Variants in ZNF277 observed in about 807,000 individuals in gnomAD.
ZNF277 encodes the protein nuclear receptor-interacting factor 4.
In ZNF277, 55 loss-of-function variants were observed where a neutral mutation model predicts 60.7. The observed-to-expected ratio is 0.91, with a 90% CI of 0.73 to 1.13. The LOEUF is 1.13. Among genes scored for constraint, ZNF277 ranks in the 50% most tolerant of loss-of-function variants. ZNF277 has a pLI of 0.00. For missense variants in ZNF277, 510 were observed against 523.0 expected, an observed-to-expected ratio of 0.98 and a Z score of 0.24; for synonymous variants, 178 against 179.3, an observed-to-expected ratio of 0.99 and a Z score of 0.06.
chr7:112,273,613 G>T (rs1791729739), intron 1 of ZNF277, among the ~76,000 whole-genome samples: 1 of 152,164 alleles, frequency 6.6e-6, no homozygotes, highest in Non-Finnish European at 1.5e-5. Context: ...AAGATTACCG[G>T]TCAAGGCTTC....
chr7:112,336,967 C>T (rs1361594780), intron 8 of ZNF277, among the ~76,000 whole-genome samples: 1 of 152,112 alleles, frequency 6.6e-6, no homozygotes, highest in Admixed American at 6.5e-5. Context: ...GAAAATGTTT[C>T]CTGTTTTCTA....
intron 7 of ZNF277, among the ~76,000 whole-genome samples, chr7:112,335,355 C>A (rs1379982008): frequency 6.6e-6 from 1 of 152,026 alleles, no homozygotes; most frequent in African/African-American, 2.4e-5. Flanking sequence ...GAAGACAGGG[C>A]AAGAAGAGAG....
At chr7:112,312,854 A>G (rs1392404579) in intron 4 of ZNF277, among the ~76,000 whole-genome samples, 1 of 152,152 alleles carries the variant, frequency 6.6e-6, no homozygotes, top group African/African-American at 2.4e-5. Context: ...ATTTCAACAA[A>G]TAAAGGAGAG....
At chr7:112,282,612 T>C (rs1334275336) in intron 1 of ZNF277, among the ~76,000 whole-genome samples, 3 of 152,238 alleles carry the variant, frequency 2.0e-5, no homozygotes, top group Admixed American at 6.5e-5. Flanking sequence ...TCCACTGCTA[T>C]TGCTGCTGCC....
rs869082099 is a variant in ZNF277 at position 112,208,674 on chromosome 7, A to ATTTTTTTTTTTTT, written c.91+1879_91+1891dup. On this transcript the variant is annotated intron_variant, in intron 1 of 11. Transcript: ENST00000361822. Reference sequence around the variant, plus strand: ...ATATGACACACGTCTGTATGATTTGATTTTTTTTTTTTTTTTTTTTTTTTG... The same window carrying ATTTTTTTTTTTTT: ...ATATGACACACGTCTGTATGATTTGATTTTTTTTTTTTTTTTTTTTTTTTTTTTTTTTTTTTTG... Among the ~76,000 whole-genome samples the ATTTTTTTTTTTTT allele has an allele frequency of 8.1e-4, 59 of 72,810 alleles. 7 individuals carry two copies. Among genetic ancestry groups the ATTTTTTTTTTTTT allele is most frequent in the African/African-American group, 2.7e-3 (45 of 16,738 alleles). 47.8% of individuals were successfully genotyped at this position (72,810 alleles called of 152,430 possible).
intron 1 of ZNF277, among the ~76,000 whole-genome samples, chr7:112,251,038 A>G (rs1015946604): frequency 2.0e-5 from 3 of 152,054 alleles, no homozygotes; most frequent in African/African-American, 7.2e-5. Context: ...ATTTCTCACT[A>G]ACCTTCATAT....
intron 4 of ZNF277, among the ~76,000 whole-genome samples, chr7:112,308,443 G>A (rs1267933739): frequency 1.3e-5 from 2 of 152,066 alleles, no homozygotes. Flanking sequence ...CTTGAGCCCA[G>A]GAGGTGGAGG....
At chr7:112,328,583 A>C (rs976329931) in intron 6 of ZNF277, among the ~76,000 whole-genome samples, 3 of 152,144 alleles carry the variant, frequency 2.0e-5, no homozygotes, top group African/African-American at 7.2e-5. Flanking sequence ...TAGAAAAAAA[A>C]ATAAGGGCCG....
chr7:112,226,613 T>A (rs1309858364), intron 1 of ZNF277, among the ~76,000 whole-genome samples: 2 of 152,340 alleles, frequency 1.3e-5, no homozygotes, highest in African/African-American at 4.8e-5. Flanking sequence ...AAGCCTGTGC[T>A]TCTTATTAAG....
intron 1 of ZNF277, among the ~76,000 whole-genome samples, chr7:112,268,944 C>T (rs1791606025): frequency 6.6e-6 from 1 of 152,108 alleles, no homozygotes; most frequent in South Asian, 2.1e-4. Context: ...CATCTCTACA[C>T]CATGCAGTCA....
rs180819517 is a variant in ZNF277, at chr7:112,213,324, G to A, written c.91+6517G>A. ...TTTCTTTTGTAAATTGCCCAGTCTC[G>A]GGTATGTCTTTATCAGCAGCATGAA... On this transcript the variant is annotated intron_variant, in intron 1 of 11. Transcript: ENST00000361822. 2.0e-3 allele frequency among the ~76,000 whole-genome samples: 309 copies of A among 152,176 alleles called. 1 individual carries two copies. The highest frequency in any genetic ancestry group is 7.0e-3 in the African/African-American group (291 of 41,484).
Position 112,295,916 on chromosome 7 carries a change from A to G in ZNF277, c.341A>G (p.Asp114Gly). 1 of 1,613,010 alleles carries G rather than the reference A, an allele frequency of 6.2e-7. No individual in the cohort carries two copies. The highest frequency in any genetic ancestry group is 1.1e-5 in the South Asian group (1 of 91,030). Residue 114 changes from aspartate to glycine, a missense_variant, in exon 3 of 12, where the codon GAT becomes GGT. Coordinates refer to ENST00000361822, the MANE Select transcript of ZNF277 (RefSeq NM_021994.3). ...RKRFTEQPIT[D>G]FCSVIRINST... ...AGGTTCACTGAACAGCCCATCACAG[A>G]TTTTTGTAGTGTAATAAGAATTAAT... is the stretch of plus-strand genomic sequence containing the variant.
intron 1 of ZNF277, among the ~76,000 whole-genome samples, chr7:112,254,736 A>G (rs1169273627): frequency 6.6e-6 from 1 of 152,220 alleles, no homozygotes; most frequent in African/African-American, 2.4e-5. Context: ...TGGGAGGCCA[A>G]AGCGGGAAGA....
intron 1 of ZNF277, among the ~76,000 whole-genome samples, chr7:112,276,563 A>C (rs975778761): frequency 4.6e-5 from 7 of 152,220 alleles, no homozygotes; most frequent in Non-Finnish European, 8.8e-5. Context: ...TTTGTTGTAG[A>C]CAGGATGCAG....
In ZNF277 at chr7:112,318,291, T is replaced by G. The variant is rs1307183176; in HGVS notation, c.557+18T>G. 6.3e-7 allele frequency: 1 copy of G among 1,597,322 alleles called. No individual in the cohort carries two copies. Among genetic ancestry groups the G allele is most frequent in the East Asian group, 2.2e-5 (1 of 44,766 alleles). ...GGAAACAGGTTTGCCATTTTGCATCTTTAAATGTTACTGTTTTTAATCTGA... is the reference window on the plus strand; with the variant it reads ...GGAAACAGGTTTGCCATTTTGCATCGTTAAATGTTACTGTTTTTAATCTGA... On this transcript the variant is annotated intron_variant, in intron 5 of 11. Transcript: ENST00000361822.
intron 10 of ZNF277, 66 bp from the exon 11 acceptor site, chr7:112,340,806 A>C (rs1793428431): frequency 6.9e-7 from 1 of 1,458,134 alleles, no homozygotes; most frequent in Non-Finnish European, 9.3e-7. Context: ...TCCTTTAAGA[A>C]ATTATAATAG....
intron 1 of ZNF277, among the ~76,000 whole-genome samples, chr7:112,207,614 G>A (rs973447607): frequency 1.3e-5 from 2 of 152,110 alleles, no homozygotes; most frequent in African/African-American, 4.8e-5. Flanking sequence ...TTGTGTTTAG[G>A]ACTCTTTTAC....
chr7:112,262,970 A>G (rs546919227), intron 1 of ZNF277, among the ~76,000 whole-genome samples: 3 of 152,312 alleles, frequency 2.0e-5, no homozygotes, highest in Admixed American at 6.5e-5. Flanking sequence ...TCCAAATGTT[A>G]AGATATTTGC....
chr7:112,317,343 G>A (rs891076166), intron 4 of ZNF277, among the ~76,000 whole-genome samples: 9 of 151,956 alleles, frequency 5.9e-5, no homozygotes, highest in African/African-American at 1.9e-4. Flanking sequence ...GATTAAAGAA[G>A]TTAAATATCA....
Sources: gnomAD v4.1 joint callset for allele counts (sites outside exome capture counted in the v4.1 genomes callset) on GRCh38, gnomAD v4.1.1 for gene constraint, MANE v1.5 for transcripts, NCBI Gene and HGNC (gene_info 2026-07-23, HGNC 2026-07-21) for gene names.